GLOD5: variants seen among roughly 807,000 people sequenced by gnomAD.
The protein encoded by GLOD5 is glyoxalase domain-containing protein 5.
In GLOD5, 7 loss-of-function variants were observed where a neutral mutation model predicts 9.9. The observed-to-expected ratio is 0.71, with a 90% CI of 0.40 to 1.33. GLOD5 has a LOEUF of 1.33. Ranked by LOEUF, GLOD5 falls within the 40% of genes most tolerant of loss-of-function variation. The pLI is 0.01. For missense variants in GLOD5, 146 were observed against 128.4 expected (o/e 1.14, Z -0.66); for synonymous variants, 49 against 47.3 (o/e 1.04, Z -0.14).
intron 1 of GLOD5, among the ~76,000 whole-genome samples, chrX:48,765,128 G>A (rs1416653898): frequency 9.0e-6 from 1 of 110,514 alleles, no homozygotes; most frequent in Non-Finnish European, 1.9e-5. Flanking sequence ...GGAAAGGAGG[G>A]GGCTGGGTAA....
intron 3 of GLOD5, among the ~76,000 whole-genome samples, chrX:48,771,418 C>T (rs1184684082): frequency 1.9e-5 from 2 of 108,024 alleles, no homozygotes; most frequent in Non-Finnish European, 3.8e-5. Context: ...TGGGTTCAAG[C>T]GATTCTCCTG....
chrX:48,765,595 A>AG (rs782190108), intron 1 of GLOD5: 2 of 381,141 alleles, frequency 5.2e-6, no homozygotes, highest in Admixed American at 3.2e-5. Flanking sequence ...AAAAAAAAAA[A>AG]AAAAAAAGAA....
chrX:48,768,385 T>C (rs782025972), intron 2 of GLOD5, among the ~76,000 whole-genome samples: 5 of 111,896 alleles, frequency 4.5e-5, no homozygotes, highest in Non-Finnish European at 9.4e-5. Flanking sequence ...ACTATAATGG[T>C]TGCCTAAGGT....
At chrX:48,769,806 G>A (rs868927534) in intron 2 of GLOD5, among the ~76,000 whole-genome samples, 2 of 103,882 alleles carry the variant, frequency 1.9e-5, no homozygotes, top group Non-Finnish European at 3.9e-5. Context: ...GGGGAGACCC[G>A]GTCTCTACAA....
At chrX:48,765,577 CAAAAAAAAAAAAAAAAAAA>C in intron 1 of GLOD5, 2 of 177,972 alleles carry the variant, frequency 1.1e-5, no homozygotes, top group Non-Finnish European at 1.9e-5. Flanking sequence ...GACTCTGTCT[CAAAAAAAAAAAAAAAAAAA>C]AAAAAAGAAA....
chrX:48,767,735 T>C (rs1268446085), intron 2 of GLOD5, among the ~76,000 whole-genome samples: 1 of 110,721 alleles, frequency 9.0e-6, no homozygotes. Context: ...TTAAATAAAA[T>C]AAATGGACTA....
Position 48,771,063 on chromosome X carries a change from A to G in GLOD5, c.338A>G (p.Glu113Gly). 4 of 1,193,724 alleles carry G rather than the reference A, an allele frequency of 3.4e-6. No individual in the cohort carries two copies. The highest frequency in any genetic ancestry group is 4.5e-6 in the Non-Finnish European group (4 of 888,676). The change falls in exon 3 of 4, where the codon GAA becomes GGA. Residue 113 changes from glutamate to glycine, a missense_variant. Transcript: ENST00000303227. ...ICLITEVPLE[E>G]MIQHLKACDV... ...CTGATCACAGAGGTGCCTTTGGAGG[A>G]AATGATCCAGCACCTCAAGGTGAGT...
At chrX:48,768,348 G>GA (rs1407888892) in intron 2 of GLOD5, among the ~76,000 whole-genome samples, 1 of 112,010 alleles carries the variant, frequency 8.9e-6, no homozygotes, top group Non-Finnish European at 1.9e-5. Context: ...AGCAATTTAT[G>GA]AAAACCAAAG....
intron 1 of GLOD5, among the ~76,000 whole-genome samples, chrX:48,765,359 G>A (rs1195898619): frequency 1.1e-4 from 12 of 109,493 alleles, no homozygotes; most frequent in African/African-American, 3.3e-4. Flanking sequence ...ATCACTTGAG[G>A]TCAGGAGTTT....
rs1226581877 is a variant in GLOD5 at position 48,767,000 on chromosome X, AAAAAAC to A, written c.201+1029_201+1034del. Among the ~76,000 whole-genome samples, 44 of 84,282 alleles carry A rather than the reference AAAAAAC, an allele frequency of 5.2e-4. 1 individual carries two copies. Among genetic ancestry groups the A allele is most frequent in the African/African-American group, 1.8e-3 (43 of 23,647 alleles). The allele number at this position is 84,282 out of a possible 115,157, so 73.2% of individuals were successfully genotyped here. On this transcript the variant is annotated intron_variant, in intron 2 of 3. Coordinates refer to ENST00000303227, the MANE Select transcript of GLOD5 (RefSeq NM_001080489.3). Reference sequence around the variant, plus strand: ...GATTCCATCTCAAAAAAAAAAAAAAAAAAAACCAACATTGGATGACTATGAATCTGG... The same window carrying A: ...GATTCCATCTCAAAAAAAAAAAAAAACAACATTGGATGACTATGAATCTGG...
intron 3 of GLOD5, 110 bp downstream of exon 3, chrX:48,771,192 C>A: frequency 2.1e-6 from 1 of 474,598 alleles, no homozygotes; most frequent in Non-Finnish European, 3.2e-6. Flanking sequence ...TGTCTGCACA[C>A]AGTTATGTAC....
intron 1 of GLOD5, 171 bp from the exon 2 acceptor site, chrX:48,765,664 C>A: frequency 1.8e-6 from 1 of 546,405 alleles, no homozygotes; most frequent in Non-Finnish European, 3.3e-6. Flanking sequence ...CTCATGAATC[C>A]ACACATGGGC....
At chrX:48,771,890 G>A (rs1239648263) in intron 3 of GLOD5, among the ~76,000 whole-genome samples, 1 of 111,335 alleles carries the variant, frequency 9.0e-6, no homozygotes, top group Non-Finnish European at 1.9e-5. Context: ...AATAATTTCT[G>A]ATTTGTTGTT....
At position 48,770,873 on chromosome X, in the gene GLOD5, T is replaced by G. The variant is rs2147296222; in HGVS notation, c.202-54T>G. 4 of 977,054 alleles carry G rather than the reference T, an allele frequency of 4.1e-6. No homozygotes were observed. In the East Asian group the frequency reaches 1.4e-4, roughly 33 times the overall value. 80.5% of individuals were successfully genotyped at this position (977,054 alleles called of 1,213,427 possible). A position where few individuals can be genotyped will look rare whatever the true frequency, so the allele number is the denominator to read the frequency against. ...TAGGTGGAAAGGCTTCATCTCACAC[T>G]CATCTTGGAGGTTTAATTCTAGGCT... On this transcript the variant is annotated intron_variant, in intron 2 of 3. Coordinates refer to ENST00000303227, the MANE Select transcript of GLOD5 (RefSeq NM_001080489.3).
In GLOD5 at chrX:48,763,627, A is replaced by G. The variant is rs193096775; in HGVS notation, c.63+1774A>G. On this transcript the variant is annotated intron_variant, in intron 1 of 3. Transcript: ENST00000303227. Reference sequence around the variant, plus strand: ...AGGATTGCTTGAGTCCAGGAGGTTGAGGCTGCAGTGAGCTGTGATCATGCC... The same window carrying G: ...AGGATTGCTTGAGTCCAGGAGGTTGGGGCTGCAGTGAGCTGTGATCATGCC... Among the ~76,000 whole-genome samples the G allele has an allele frequency of 5.9e-3, 662 of 112,572 alleles. 1 individual carries two copies. Among genetic ancestry groups the G allele is most frequent in the Admixed American group, 0.01 (110 of 10,592 alleles).
chrX:48,773,350 C>A lies in GLOD5; in HGVS notation c.398C>A (p.Thr133Lys), dbSNP rs781845705. The A allele has an allele frequency of 8.3e-7, 1 of 1,209,822 alleles. No individual in the cohort carries two copies. The highest frequency in any genetic ancestry group is 1.7e-5 in the African/African-American group (1 of 57,726). ...VPIEEGPVPRTGAKGPIMSIY... is the reference protein window; with the variant it reads ...VPIEEGPVPRKGAKGPIMSIY... ...ATTGAGGAGGGGCCAGTCCCCAGAACAGGGGCAAAAGGGCCTATCATGTCC... is the reference window on the plus strand; with the variant it reads ...ATTGAGGAGGGGCCAGTCCCCAGAAAAGGGGCAAAAGGGCCTATCATGTCC... The change falls in exon 4 of 4, where the codon ACA (threonine) becomes AAA (lysine). Residue 133 changes from threonine to lysine, a missense_variant. By Grantham distance (78) the Thr-to-Lys change is moderately conservative. Transcript: ENST00000303227.
intron 1 of GLOD5, 25 bp from the exon 2 acceptor site, chrX:48,765,810 T>C: frequency 8.5e-7 from 1 of 1,181,247 alleles, no homozygotes; most frequent in African/African-American, 1.8e-5. Flanking sequence ...ATGTGGTCTC[T>C]TCTGACTTTT....
Position 48,764,982 on chromosome X carries a change from G to A in GLOD5, c.64-853G>A, listed in dbSNP as rs782249219. ...ATCTGATGGGAAGTGTGCTGAGGGC[G>A]GGAAAGTGGAAGGTTGGGGAGTGGT... is the stretch of plus-strand genomic sequence containing the variant. On this transcript the variant is annotated intron_variant, in intron 1 of 3. Coordinates refer to ENST00000303227, the MANE Select transcript of GLOD5 (RefSeq NM_001080489.3). Among the ~76,000 whole-genome samples, 23 of 111,366 alleles carry A rather than the reference G, an allele frequency of 2.1e-4. 1 individual carries two copies. Among genetic ancestry groups the A allele is most frequent in the African/African-American group, 4.2e-4 (13 of 30,630 alleles).
At chrX:48,768,499 A>G (rs1557016934) in intron 2 of GLOD5, among the ~76,000 whole-genome samples, 1 of 112,014 alleles carries the variant, frequency 8.9e-6, no homozygotes, top group African/African-American at 3.2e-5. Flanking sequence ...CAACCTCTGT[A>G]CTTGGACACA....
Sources: allele counts gnomAD v4.1 joint callset (sites outside exome capture counted in the v4.1 genomes callset), GRCh38; gene constraint gnomAD v4.1.1; transcripts MANE v1.5; gene names NCBI Gene and HGNC (gene_info 2026-07-23, HGNC 2026-07-21).